The following TRPM7 variants were observed in gnomAD, a reference collection of about 807,000 sequenced individuals.
The protein encoded by TRPM7 is transient receptor potential cation channel subfamily M member 7, also known as LTRPC ion channel family member 7.
A neutral mutation model predicts 229.7 loss-of-function variants in TRPM7; 134 were observed. The ratio of observed to expected loss-of-function variants is 0.58; its 90% confidence interval spans 0.51 to 0.67. The LOEUF (loss-of-function observed/expected upper bound fraction) is 0.67, where lower values mean the gene tolerates loss of function less well. TRPM7 is among the 30% of genes least tolerant of loss of function. The pLI is 0.00. For synonymous variants in TRPM7, 699 were observed against 715.2 expected, an observed-to-expected ratio of 0.98 and a Z score of 0.36; for missense variants, 1,901 against 2,210.0, an observed-to-expected ratio of 0.86 and a Z score of 2.80.
In TRPM7 at chr15:50,643,429, T is replaced by G. The variant is rs557715202; in HGVS notation, c.446A>C (p.His149Pro). 4.3e-6 allele frequency: 7 copies of G among 1,614,200 alleles called. 1 individual carries two copies. The South Asian group carries it at 7.7e-5, about 18-fold the overall frequency. Reference protein sequence around the residue: ...VHGGMQKFELHPRIKQLLGKG... With the variant: ...VHGGMQKFELPPRIKQLLGKG... ...TCCAAGCAACTGCTTGATTCGTGGG[T>G]GAAGCTCAAATTTCTGCATGCCCCC... The change falls in exon 5 of 39, where the codon CAC (histidine) becomes CCC (proline). Residue 149 changes from histidine (H) to proline (P), a missense_variant. Coordinates refer to ENST00000646667, the MANE Select transcript of TRPM7 (RefSeq NM_017672.6).
intron 31 of TRPM7, among the ~76,000 whole-genome samples, chr15:50,577,235 T>C (rs1216566249): frequency 6.6e-6 from 1 of 151,892 alleles, no homozygotes; most frequent in Non-Finnish European, 1.5e-5. Flanking sequence ...GGGGAAAAAA[T>C]GTAAAGTGGA....
In TRPM7 at chr15:50,591,996, G is replaced by A. The variant is rs1347671235; in HGVS notation, c.4239C>T (p.Ser1413=). The change falls in exon 26 of 39, where the codon AGC becomes AGT. Residue 1413 remains serine, a synonymous_variant. Transcript: ENST00000646667. ...VSTPSQPSCK[S]HLETGTKDQE... ...GATCTTTGGTTCCAGTTTCCAAGTG[G>A]CTTTTGCAACTTGGCTGAGATGGTG... is the stretch of plus-strand genomic sequence containing the variant. 1.2e-6 allele frequency: 2 copies of A among 1,612,128 alleles called. No individual in the cohort carries two copies. Among genetic ancestry groups the A allele is most frequent in the Non-Finnish European group, 1.7e-6 (2 of 1,179,392 alleles).
At chr15:50,661,383 G>A (rs553406089) in intron 2 of TRPM7, among the ~76,000 whole-genome samples, 6 of 152,172 alleles carry the variant, frequency 3.9e-5, no homozygotes, top group Middle Eastern at 3.4e-3. Flanking sequence ...CTGAGAAAAA[G>A]TTAAAAATAA....
rs796991058 is a variant in TRPM7, at chr15:50,584,025, C to G, written c.4487-866G>C. Among the ~76,000 whole-genome samples the G allele has an allele frequency of 2.0e-5, 3 of 152,284 alleles. No individual in the cohort carries two copies. In the South Asian group the frequency reaches 6.2e-4, roughly 32 times the overall value. ...CAATCTCTTCCTATGATAAACAGTGCCGCAATGAATAATCCTTTTCCCCAA... is the reference window on the plus strand; with the variant it reads ...CAATCTCTTCCTATGATAAACAGTGGCGCAATGAATAATCCTTTTCCCCAA... On this transcript the variant is annotated intron_variant, in intron 28 of 38. Transcript: ENST00000646667.
At chr15:50,599,765 C>A (rs2059726048) in intron 21 of TRPM7, 1 of 152,276 alleles carries the variant, frequency 6.6e-6, no homozygotes, top group Non-Finnish European at 1.5e-5. Flanking sequence ...CACTTCCCAC[C>A]CACCCTGAAT....
At chr15:50,633,812 A>G (rs577932617) in intron 8 of TRPM7, among the ~76,000 whole-genome samples, 111 of 152,350 alleles carry the variant, frequency 7.3e-4, no homozygotes, top group African/African-American at 2.6e-3. Flanking sequence ...TGAAACTACT[A>G]CGTTAAAAGA....
At chr15:50,619,084 A>C (rs1275587730) in intron 13 of TRPM7, among the ~76,000 whole-genome samples, 2 of 152,330 alleles carry the variant, frequency 1.3e-5, no homozygotes, top group Middle Eastern at 3.4e-3. Flanking sequence ...TTACATTGGG[A>C]CAATTTTCTG....
intron 1 of TRPM7, among the ~76,000 whole-genome samples, chr15:50,672,406 T>C (rs999900852): frequency 3.3e-5 from 5 of 151,730 alleles, no homozygotes; most frequent in African/African-American, 1.2e-4. Flanking sequence ...GGCAGGTCCT[T>C]CAGGAAGTAT....
rs2053232704 is a variant in TRPM7, at chr15:50,559,521, CAAAACAA to C, written c.*2150_*2156del. The C allele has an allele frequency of 6.6e-6, 1 of 151,426 alleles. No individual in the cohort carries two copies. The highest frequency in any genetic ancestry group is 1.5e-5 in the Non-Finnish European group (1 of 68,040). 9.4% of individuals were successfully genotyped at this position (151,426 alleles called of 1,614,324 possible). A position where few individuals can be genotyped will look rare whatever the true frequency, so the allele number is the denominator to read the frequency against. On this transcript the variant is annotated 3_prime_UTR_variant, in exon 39 of 39. Coordinates refer to ENST00000646667, the MANE Select transcript of TRPM7 (RefSeq NM_017672.6). ...ACAAACAAAACAAAACAAAACAAAACAAAACAAAACAAAAACAGTATAGATGAAAGGC... is the reference window on the plus strand; with the variant it reads ...ACAAACAAAACAAAACAAAACAAAACAACAAAAACAGTATAGATGAAAGGC...
In TRPM7 at chr15:50,682,173, C is replaced by CAAAAAAAAAAAAAAAAAAAAAAA. The variant is rs34590459; in HGVS notation, c.3+4357_3+4358insTTTTTTTTTTTTTTTTTTTTTTT. Among the ~76,000 whole-genome samples the CAAAAAAAAAAAAAAAAAAAAAAA allele has an allele frequency of 3.3e-4, 21 of 63,672 alleles. 1 individual carries two copies. The highest frequency in any genetic ancestry group is 5.0e-4 in the Non-Finnish European group (18 of 35,826). 41.8% of individuals were successfully genotyped at this position (63,672 alleles called of 152,430 possible). A position where few individuals can be genotyped will look rare whatever the true frequency, so the allele number is the denominator to read the frequency against. On this transcript the variant is annotated intron_variant, in intron 1 of 38. Transcript: ENST00000646667. ...TGGGCAAAAGAGCAAAACTCAGTCT[C>CAAAAAAAAAAAAAAAAAAAAAAA]AAAAAAAAAAAAAAAAAAGGACTGT...
chr15:50,641,817 T>A (rs147419153), intron 5 of TRPM7, among the ~76,000 whole-genome samples: 2 of 151,982 alleles, frequency 1.3e-5, no homozygotes, highest in African/African-American at 4.8e-5. Flanking sequence ...TTGACCAACA[T>A]AGTGAAACCC....
chr15:50,590,422 T>G (rs370945807), intron 26 of TRPM7, among the ~76,000 whole-genome samples: 4 of 152,146 alleles, frequency 2.6e-5, no homozygotes, highest in Admixed American at 2.0e-4. Flanking sequence ...GTTCCACACA[T>G]AGAGATTGTT....
At position 50,592,136 on chromosome 15, in the gene TRPM7, G is replaced by A. The variant is rs937887587; in HGVS notation, c.4099C>T (p.Gln1367Ter). ...AAGAGTTCTACCCCATGTAGTCTCT[G>A]TCGCAGTTCTGGAGGGGAAACAGCA... Reference protein sequence around the residue: ...PSAVSPPELRQRLHGVELLKI... With the variant: ...PSAVSPPELR Residue 1367 changes from glutamine to a stop codon, truncating the protein, a stop_gained, in exon 26 of 39, where the codon CAG (glutamine) becomes TAG (stop). Transcript: ENST00000646667. LOFTEE classifies it high-confidence loss of function. The A allele has an allele frequency of 1.2e-6, 2 of 1,613,514 alleles. No individual in the cohort carries two copies. Among genetic ancestry groups the A allele is most frequent in the Non-Finnish European group, 1.7e-6 (2 of 1,179,766 alleles).
At chr15:50,607,428 A>G in intron 19 of TRPM7, 100 bp from the exon 20 acceptor site, 1 of 986,678 alleles carries the variant, frequency 1.0e-6, no homozygotes, top group Non-Finnish European at 1.5e-6. Context: ...CATTAAATGA[A>G]CCTCTGTAAA....
At chr15:50,589,493 CTG>C (rs2059430069) in intron 27 of TRPM7, 97 bp downstream of exon 27, 4 of 835,890 alleles carry the variant, frequency 4.8e-6, no homozygotes, top group Non-Finnish European at 7.7e-6. Flanking sequence ...TCTGCTAAAA[CTG>C]TATTTTTGCT....
intron 1 of TRPM7, among the ~76,000 whole-genome samples, chr15:50,679,538 A>ATATATATATATATATATATTT (rs1400383980): frequency 2.3e-5 from 1 of 43,904 alleles, no homozygotes; most frequent in African/African-American, 1.1e-4. Flanking sequence ...ATATATATAT[A>ATATATATATATATATATATTT]TTTTTTTTTT....
In TRPM7 at chr15:50,638,358, CAAAAAAAAAAAAAA is replaced by C. The variant is rs60939201; in HGVS notation, c.661-779_661-766del. ...TGGGCGACAGAGCGAGACTCCGTCT[CAAAAAAAAAAAAAA>C]AAAAAAAAAAAAAAAAAAAAAAAAA... On this transcript the variant is annotated intron_variant, in intron 6 of 38. Transcript: ENST00000646667. 9.5e-4 allele frequency among the ~76,000 whole-genome samples: 40 copies of C among 42,274 alleles called. 1 individual carries two copies. The highest frequency in any genetic ancestry group is 4.5e-3 in the South Asian group (4 of 888). The allele number at this position is 42,274 out of a possible 152,430, so 27.7% of individuals were successfully genotyped here.
chr15:50,634,642 C>T, intron 7 of TRPM7, 86 bp from the exon 8 acceptor site: 1 of 979,786 alleles, frequency 1.0e-6, no homozygotes, highest in Non-Finnish European at 1.4e-6. Context: ...AAATTCAGTA[C>T]TCTAATTTTA....
intron 7 of TRPM7, 130 bp from the exon 8 acceptor site, chr15:50,634,686 A>G: frequency 1.5e-6 from 1 of 668,518 alleles, no homozygotes. Context: ...AAGTAAAAAC[A>G]TAATTTCTAA....
Sources: gnomAD v4.1 joint callset for allele counts (sites outside exome capture counted in the v4.1 genomes callset) on GRCh38, gnomAD v4.1.1 for gene constraint, MANE v1.5 for transcripts, NCBI Gene and HGNC (gene_info 2026-07-23, HGNC 2026-07-21) for gene names.